The following STK32A variants were observed in gnomAD, a reference collection of about 807,000 sequenced individuals.
STK32A encodes the protein serine/threonine-protein kinase 32A.
In STK32A, 41 loss-of-function variants were observed where a neutral mutation model predicts 53.2. That is an observed-to-expected ratio of 0.77 (90% CI 0.60 to 1.00). The LOEUF (loss-of-function observed/expected upper bound fraction) is 1.00, where lower values mean the gene tolerates loss of function less well. Ranked by LOEUF, STK32A falls within the 50% of genes least tolerant of loss-of-function variation. The probability of loss-of-function intolerance (pLI) is 0.00; values close to 1 mark genes in which losing one functional copy is unlikely to be tolerated. For synonymous variants in STK32A, 166 were observed against 162.8 expected (o/e 1.02, Z -0.15); for missense variants, 458 against 485.8 (o/e 0.94, Z 0.54).
chr5:147,246,812 T>C (rs1303584191), intron 2 of STK32A, among the ~76,000 whole-genome samples: 1 of 152,268 alleles, frequency 6.6e-6, no homozygotes, highest in Non-Finnish European at 1.5e-5. Context: ...GCATAATTTA[T>C]ATCTATTTGG....
In STK32A at chr5:147,294,363, G is replaced by A. The variant is rs549432880; in HGVS notation, c.260+14965G>A. ...TGCAACCTCCGCCTCCTGGGTTCAA[G>A]CAATTCTTCTGCCTCAGCCTCCCGA... On this transcript the variant is annotated intron_variant, in intron 4 of 12. Coordinates refer to ENST00000397936, the MANE Select transcript of STK32A (RefSeq NM_001112724.2). Among the ~76,000 whole-genome samples the A allele has an allele frequency of 4.3e-4, 66 of 152,262 alleles. 1 individual carries two copies. The Middle Eastern group carries it at 0.017, about 40-fold the overall frequency.
At chr5:147,249,370 T>A (rs1234348320) in intron 2 of STK32A, among the ~76,000 whole-genome samples, 2 of 152,170 alleles carry the variant, frequency 1.3e-5, no homozygotes, top group African/African-American at 4.8e-5. Flanking sequence ...TGGCACACAG[T>A]AATTGCTCAA....
intron 2 of STK32A, among the ~76,000 whole-genome samples, chr5:147,266,877 G>A (rs986483410): frequency 6.6e-6 from 1 of 152,042 alleles, no homozygotes; most frequent in Non-Finnish European, 1.5e-5. Context: ...TACAAAATTA[G>A]CCAGGCATGG....
Position 147,271,834 on chromosome 5 carries a change from C to T in STK32A, c.53-6290C>T, listed in dbSNP as rs374729376. On this transcript the variant is annotated intron_variant, in intron 2 of 12. Transcript: ENST00000397936. ...AGATGTTATCAATGACAATGGTGCC[C>T]GAAACTTCATTAGCAATTTTAATTT... is the stretch of plus-strand genomic sequence containing the variant. Among the ~76,000 whole-genome samples, 1,203 of 152,176 alleles carry T rather than the reference C, an allele frequency of 7.9e-3. 10 individuals are homozygous for T. The highest frequency in any genetic ancestry group is 0.014 in the Admixed American group (214 of 15,290).
intron 2 of STK32A, among the ~76,000 whole-genome samples, chr5:147,260,576 A>G (rs1412134101): frequency 6.9e-6 from 1 of 145,744 alleles, no homozygotes; most frequent in Non-Finnish European, 1.5e-5. Context: ...CCTCAAACCA[A>G]GGGGTGTCTT....
chr5:147,322,695 A>G (rs561106853), intron 4 of STK32A, among the ~76,000 whole-genome samples: 1 of 152,366 alleles, frequency 6.6e-6, no homozygotes, highest in Non-Finnish European at 1.5e-5. Context: ...TTGACTTTGA[A>G]TAGAAATCAT....
chr5:147,324,928 A>G (rs1016596474), intron 5 of STK32A, among the ~76,000 whole-genome samples: 2 of 152,162 alleles, frequency 1.3e-5, no homozygotes, highest in African/African-American at 4.8e-5. Flanking sequence ...ACATTAGTTT[A>G]TTAAATCCTC....
Position 147,385,087 on chromosome 5 carries a change from T to C in STK32A, c.*1104T>C, listed in dbSNP as rs1757598367. 6.6e-6 allele frequency: 1 copy of C among 152,218 alleles called. No homozygotes were observed. The highest frequency in any genetic ancestry group is 1.5e-5 in the Non-Finnish European group (1 of 68,042). 9.4% of individuals were successfully genotyped at this position (152,218 alleles called of 1,614,324 possible). A position where few individuals can be genotyped will look rare whatever the true frequency, so the allele number is the denominator to read the frequency against. The stretch of plus-strand genomic sequence containing the variant: ...TTATTTTTGGTCTCATTTTGGCTAA[T>C]ACCAGATGAGCTAAAATGTTGAACA... On this transcript the variant is annotated 3_prime_UTR_variant, in exon 13 of 13. Transcript: ENST00000397936.
At chr5:147,281,123 G>C (rs1752045352) in intron 4 of STK32A, among the ~76,000 whole-genome samples, 1 of 152,174 alleles carries the variant, frequency 6.6e-6, no homozygotes, top group South Asian at 2.1e-4. Flanking sequence ...TGGGACGAAA[G>C]AGTCTGAACA....
the STK32A span, chr5:147,399,195 T>C: frequency 6.2e-7 from 1 of 1,614,194 alleles, no homozygotes; most frequent in Non-Finnish European, 8.5e-7. Flanking sequence ...TTGAAGATCT[T>C]GGCAGCGTTT....
At chr5:147,285,978 A>C (rs930194111) in intron 4 of STK32A, among the ~76,000 whole-genome samples, 2 of 152,174 alleles carry the variant, frequency 1.3e-5, no homozygotes, top group African/African-American at 4.8e-5. Context: ...TTATTCAAAA[A>C]AGATACTTAC....
intron 1 of STK32A, among the ~76,000 whole-genome samples, chr5:147,239,316 T>C (rs1000095579): frequency 2.0e-5 from 3 of 152,214 alleles, no homozygotes; most frequent in African/African-American, 4.8e-5. Flanking sequence ...TTGAAAAATA[T>C]GTTGCTTTCC....
chr5:147,357,986 A>G (rs1046578206), intron 7 of STK32A, among the ~76,000 whole-genome samples: 2 of 152,176 alleles, frequency 1.3e-5, no homozygotes, highest in African/African-American at 2.4e-5. Context: ...TTCTTTTCCA[A>G]AAATATTACT....
chr5:147,337,288 A>G (rs1416742128), intron 5 of STK32A, among the ~76,000 whole-genome samples: 2 of 151,996 alleles, frequency 1.3e-5, no homozygotes, highest in Non-Finnish European at 2.9e-5. Flanking sequence ...TCCCTTTATC[A>G]CCCCCAAAAT....
At chr5:147,333,615 A>C (rs1754979628) in intron 5 of STK32A, among the ~76,000 whole-genome samples, 1 of 152,174 alleles carries the variant, frequency 6.6e-6, no homozygotes. Flanking sequence ...TGTGGTGATG[A>C]TATATTCTAA....
At chr5:147,300,356 T>C (rs1354777071) in intron 4 of STK32A, among the ~76,000 whole-genome samples, 1 of 152,178 alleles carries the variant, frequency 6.6e-6, no homozygotes, top group African/African-American at 2.4e-5. Context: ...TGCTGCACTA[T>C]ACCATCCCTA....
At chr5:147,393,521 T>C in the STK32A span, 3 of 153,580 alleles carry the variant, frequency 2.0e-5, no homozygotes, top group Non-Finnish European at 4.4e-5. Flanking sequence ...CTATCTTCCA[T>C]GGAAATAACG....
intron 1 of STK32A, among the ~76,000 whole-genome samples, chr5:147,237,076 G>T (rs181901290): frequency 6.6e-6 from 1 of 152,140 alleles, no homozygotes; most frequent in Non-Finnish European, 1.5e-5. Context: ...ACTTTGGGAG[G>T]CCGAGGTGGG....
intron 7 of STK32A, 22 bp downstream of exon 7, chr5:147,351,176 T>C (rs1355237891): frequency 6.3e-7 from 1 of 1,579,704 alleles, no homozygotes; most frequent in East Asian, 2.2e-5. Flanking sequence ...ATGAGTGTCT[T>C]TTTTTTTTCT....
Sources: allele counts gnomAD v4.1 joint callset (sites outside exome capture counted in the v4.1 genomes callset), GRCh38; gene constraint gnomAD v4.1.1; transcripts MANE v1.5; gene names NCBI Gene and HGNC (gene_info 2026-07-23, HGNC 2026-07-21).